Variants in TTLL13 observed in about 807,000 individuals in gnomAD.
TTLL13 encodes the protein tubulin polyglutamylase TTLL13.
chr15:90,251,200 G>A, the TTLL13 span, among the ~76,000 whole-genome samples: 1 of 144,186 alleles, frequency 6.9e-6, no homozygotes, highest in Non-Finnish European at 1.5e-5. Context: ...GGCAAGCTCC[G>A]CCTCCCGGGT....
chr15:90,251,465 T>C, the TTLL13 span: 1 of 1,309,762 alleles, frequency 7.6e-7, no homozygotes, highest in Non-Finnish European at 1.1e-6. Context: ...AGAAAAGGAA[T>C]TGTGTTGTGA....
the TTLL13 span, chr15:90,258,118 T>A: frequency 6.2e-7 from 1 of 1,614,148 alleles, no homozygotes; most frequent in South Asian, 1.1e-5. Flanking sequence ...GAGGACATCA[T>A]CATCAAAACC....
the TTLL13 span, among the ~76,000 whole-genome samples, chr15:90,254,014 G>A: frequency 6.6e-6 from 1 of 152,150 alleles, no homozygotes; most frequent in Non-Finnish European, 1.5e-5. Flanking sequence ...AAGTTCTCAA[G>A]AAGCTCCAGA....
the TTLL13 span, among the ~76,000 whole-genome samples, chr15:90,252,056 T>TTTTTTTTTTTTTA: frequency 1.3e-4 from 20 of 151,172 alleles, no homozygotes; most frequent in East Asian, 7.8e-4. Flanking sequence ...TTTTTTTTTT[T>TTTTTTTTTTTTTA]GAGACCGAGT....
chr15:90,262,181 G>C, the TTLL13 span: 6 of 1,532,202 alleles, frequency 3.9e-6, no homozygotes, highest in Non-Finnish European at 4.4e-6. Flanking sequence ...GGCCAGAGAG[G>C]AGTGTGCCAG....
At chr15:90,258,733 C>T in the TTLL13 span, 1 of 1,613,362 alleles carries the variant, frequency 6.2e-7, no homozygotes, top group East Asian at 2.2e-5. Context: ...ATAATGACTC[C>T]TCCTGGCAGG....
chr15:90,263,066 G>A, the TTLL13 span: 2 of 1,536,128 alleles, frequency 1.3e-6, no homozygotes, highest in South Asian at 1.2e-5. Flanking sequence ...ACTCTCATCC[G>A]AAGCCTGGGT....
the TTLL13 span, among the ~76,000 whole-genome samples, chr15:90,259,495 G>A: frequency 1.3e-5 from 2 of 152,014 alleles, no homozygotes; most frequent in Non-Finnish European, 2.9e-5. Context: ...TTCCTCTCTG[G>A]AGCCAATCAA....
At chr15:90,257,783 C>T in the TTLL13 span, 12 of 1,526,776 alleles carry the variant, frequency 7.9e-6, no homozygotes, top group African/African-American at 1.2e-4. Context: ...TCCCAGTAGC[C>T]CATGAAACCA....
the TTLL13 span, chr15:90,258,741 A>T: frequency 6.2e-7 from 1 of 1,613,814 alleles, no homozygotes; most frequent in African/African-American, 1.3e-5. Flanking sequence ...TCCTCCTGGC[A>T]GGTAAACCAC....
the TTLL13 span, chr15:90,257,117 C>A: frequency 6.2e-7 from 1 of 1,607,758 alleles, no homozygotes; most frequent in East Asian, 2.2e-5. Flanking sequence ...ATTATTCCCT[C>A]ATGGGTTTGC....
At chr15:90,254,186 C>CTGTTGT in the TTLL13 span, among the ~76,000 whole-genome samples, 38,253 of 137,820 alleles carry the variant, frequency 0.28, 5,900 homozygotes, top group East Asian at 0.67. Flanking sequence ...GAGTGAGACC[C>CTGTTGT]TGTTTTTTTT....
the TTLL13 span, among the ~76,000 whole-genome samples, chr15:90,254,971 C>T: frequency 2.6e-5 from 4 of 152,352 alleles, no homozygotes; most frequent in South Asian, 8.3e-4. Flanking sequence ...TCAAGAACAG[C>T]CCTGAGCAGC....
chr15:90,262,781 G>GT, the TTLL13 span: 2 of 1,233,526 alleles, frequency 1.6e-6, no homozygotes, highest in Non-Finnish European at 2.2e-6. Context: ...AGAGAGAGGA[G>GT]TTCCTAATCA....
chr15:90,258,313 C>G, the TTLL13 span: 1 of 1,555,814 alleles, frequency 6.4e-7, no homozygotes, highest in Non-Finnish European at 8.9e-7. Flanking sequence ...GGTCCAGAGG[C>G]CTCCTTGAAT....
At chr15:90,264,943 C>A in the TTLL13 span, 2 of 1,536,046 alleles carry the variant, frequency 1.3e-6, no homozygotes, top group Non-Finnish European at 1.7e-6. Flanking sequence ...CCAGAGCACT[C>A]CTCAACATCA....
At chr15:90,262,526 C>A in the TTLL13 span, 2 of 1,523,448 alleles carry the variant, frequency 1.3e-6, no homozygotes, top group Admixed American at 2.1e-5. Context: ...TAAGCAGGAA[C>A]AGCAGGAGAC....
chr15:90,263,913 T>G, the TTLL13 span: 1 of 1,389,816 alleles, frequency 7.2e-7, no homozygotes, highest in East Asian at 2.5e-5. Context: ...GCATGAATGC[T>G]GCAATCCCAC....
chr15:90,257,357 G>T, the TTLL13 span: 1 of 1,518,350 alleles, frequency 6.6e-7, no homozygotes. Flanking sequence ...TGGTAGAGAG[G>T]TTTGTCACTG....
Sources: allele counts gnomAD v4.1 joint callset (sites outside exome capture counted in the v4.1 genomes callset), GRCh38; gene constraint gnomAD v4.1.1; transcripts MANE v1.5; gene names NCBI Gene and HGNC (gene_info 2026-07-23, HGNC 2026-07-21).